USH2A: variants seen among roughly 807,000 people sequenced by gnomAD.
USH2A encodes the protein Usher syndrome 2A (autosomal recessive, mild).
Under a neutral mutation model 538.9 loss-of-function variants are expected in USH2A, and 443 were observed. The observed-to-expected ratio is 0.82, with a 90% CI of 0.76 to 0.89. The LOEUF (loss-of-function observed/expected upper bound fraction) is 0.89, where lower values mean the gene tolerates loss of function less well. USH2A is among the 40% of genes least tolerant of loss of function. The pLI is 0.00. For missense variants in USH2A, 6,633 were observed against 6,324.8 expected (o/e 1.05, Z -1.65); for synonymous variants, 2,413 against 2,273.5 (o/e 1.06, Z -1.75).
At chr1:216,022,320 G>A (rs1054888763) in intron 32 of USH2A, among the ~76,000 whole-genome samples, 1 of 152,262 alleles carries the variant, frequency 6.6e-6, no homozygotes, top group South Asian at 2.1e-4. Context: ...GTGGGGGACA[G>A]TCATGGAAAG....
intron 42 of USH2A, 23 bp from the exon 43 acceptor site, chr1:215,877,903 A>T: frequency 6.2e-7 from 1 of 1,613,354 alleles, no homozygotes; most frequent in East Asian, 2.2e-5. Flanking sequence ...ACAAGCAGGA[A>T]CATCAGGATT....
intron 58 of USH2A, among the ~76,000 whole-genome samples, chr1:215,751,190 A>G (rs1192636496): frequency 6.6e-6 from 1 of 152,182 alleles, no homozygotes; most frequent in Non-Finnish European, 1.5e-5. Flanking sequence ...AAGATGTCTA[A>G]TGTCCATAAA....
chr1:216,322,672 T>C (rs2037641813), intron 8 of USH2A, among the ~76,000 whole-genome samples: 1 of 151,548 alleles, frequency 6.6e-6, no homozygotes, highest in South Asian at 2.1e-4. Context: ...GCAGTTAACA[T>C]ATTTCAATTT....
intron 61 of USH2A, among the ~76,000 whole-genome samples, chr1:215,704,670 C>G (rs1438547234): frequency 6.6e-6 from 1 of 152,190 alleles, no homozygotes; most frequent in East Asian, 1.9e-4. Flanking sequence ...ATGACTCAGA[C>G]CCAGTTACAA....
At chr1:216,002,560 C>T (rs571186898) in intron 32 of USH2A, among the ~76,000 whole-genome samples, 6 of 152,290 alleles carry the variant, frequency 3.9e-5, no homozygotes, top group African/African-American at 1.4e-4. Flanking sequence ...AAAGAACATG[C>T]TCCAGCCAGA....
intron 30 of USH2A, among the ~76,000 whole-genome samples, chr1:216,055,736 T>C (rs148983754): frequency 6.8e-4 from 104 of 152,340 alleles, no homozygotes; most frequent in African/African-American, 2.4e-3. Context: ...TTTTGGATAA[T>C]ATTTTCAATA....
chr1:215,698,539 C>T (rs543711548), intron 61 of USH2A, among the ~76,000 whole-genome samples: 44 of 152,300 alleles, frequency 2.9e-4, no homozygotes, highest in Admixed American at 8.5e-4. Context: ...GATGGTATCT[C>T]ATTGTGGTTT....
chr1:216,223,468 G>A (rs1195753795), intron 14 of USH2A, among the ~76,000 whole-genome samples: 1 of 152,156 alleles, frequency 6.6e-6, no homozygotes, highest in Non-Finnish European at 1.5e-5. Context: ...ATCAAAAGGA[G>A]AGTCTGTTTA....
intron 51 of USH2A, among the ~76,000 whole-genome samples, chr1:215,787,164 T>G (rs1326405891): frequency 6.6e-6 from 1 of 152,168 alleles, no homozygotes; most frequent in Non-Finnish European, 1.5e-5. Context: ...GTGGGGAACA[T>G]GGAGACAAAA....
chr1:216,347,266 G>A (rs2038196589), intron 4 of USH2A, among the ~76,000 whole-genome samples: 1 of 152,020 alleles, frequency 6.6e-6, no homozygotes, highest in African/African-American at 2.4e-5. Flanking sequence ...AGAGACAGAT[G>A]GTTTGGAGAT....
At chr1:216,048,231 G>A (rs914978865) in intron 31 of USH2A, among the ~76,000 whole-genome samples, 1 of 152,170 alleles carries the variant, frequency 6.6e-6, no homozygotes, top group Admixed American at 6.5e-5. Context: ...AAATGAGGAA[G>A]CTTTCATTAA....
intron 4 of USH2A, among the ~76,000 whole-genome samples, chr1:216,350,944 G>A (rs2038269974): frequency 6.6e-6 from 1 of 151,928 alleles, no homozygotes; most frequent in South Asian, 2.1e-4. Flanking sequence ...GCCACTGCCT[G>A]GACACCCAGG....
chr1:216,182,159 T>G (rs2034507084), intron 20 of USH2A, among the ~76,000 whole-genome samples: 2 of 152,102 alleles, frequency 1.3e-5, no homozygotes, highest in African/African-American at 4.8e-5. Flanking sequence ...AAGATACAGT[T>G]TGTATTTTCC....
chr1:215,626,380 T>C (rs1479971044), intron 71 of USH2A, among the ~76,000 whole-genome samples: 1 of 151,506 alleles, frequency 6.6e-6, no homozygotes, highest in African/African-American at 2.4e-5. Flanking sequence ...GCCAGTCTGG[T>C]CTTGAACTCC....
chr1:215,762,269 A>G (rs140938187), intron 56 of USH2A, among the ~76,000 whole-genome samples: 161 of 152,318 alleles, frequency 1.1e-3, no homozygotes, highest in African/African-American at 3.2e-3. Flanking sequence ...AAAGTATAAA[A>G]TCTTAATTCA....
chr1:216,150,931 C>G (rs1284325523), intron 21 of USH2A, among the ~76,000 whole-genome samples: 1 of 152,130 alleles, frequency 6.6e-6, no homozygotes, highest in Non-Finnish European at 1.5e-5. Context: ...TACAGACAAG[C>G]CCTCTATCAA....
chr1:215,960,304 A>G (rs1667167503), intron 37 of USH2A, among the ~76,000 whole-genome samples: 1 of 152,112 alleles, frequency 6.6e-6, no homozygotes, highest in Non-Finnish European at 1.5e-5. Flanking sequence ...GGTTGCTACT[A>G]CTATGCTGTA....
intron 38 of USH2A, among the ~76,000 whole-genome samples, chr1:215,921,649 G>C (rs749404567): frequency 3.3e-5 from 5 of 152,072 alleles, no homozygotes; most frequent in Non-Finnish European, 7.4e-5. Context: ...TAGTTCTACA[G>C]TCAGTAGAAC....
intron 37 of USH2A, among the ~76,000 whole-genome samples, chr1:215,946,774 A>G (rs1558175871): frequency 6.6e-6 from 1 of 152,204 alleles, no homozygotes; most frequent in Non-Finnish European, 1.5e-5. Flanking sequence ...TAAATTAAAA[A>G]TTGATCATTG....
Sources: gnomAD v4.1 joint callset for allele counts (sites outside exome capture counted in the v4.1 genomes callset) on GRCh38, gnomAD v4.1.1 for gene constraint, MANE v1.5 for transcripts, NCBI Gene and HGNC (gene_info 2026-07-23, HGNC 2026-07-21) for gene names.